The following KSR2 variants were observed in gnomAD, a reference collection of about 807,000 sequenced individuals.
KSR2 encodes the protein kinase suppressor of ras 2.
KSR2 carries 25 observed loss-of-function variants against 107.8 expected under a neutral mutation model. That is an observed-to-expected ratio of 0.23 (90% CI 0.17 to 0.32). The LOEUF is 0.32. Ranked by LOEUF, KSR2 falls within the 10% of genes least tolerant of loss-of-function variation. The pLI, the probability that KSR2 is intolerant of heterozygous loss-of-function variation, is 1.00. For missense variants in KSR2, 887 were observed against 1,268.9 expected, an observed-to-expected ratio of 0.70 and a Z score of 4.57; for synonymous variants, 480 against 507.0, an observed-to-expected ratio of 0.95 and a Z score of 0.71.
At chr12:117,676,316 G>A (rs1885116806) in intron 4 of KSR2, among the ~76,000 whole-genome samples, 1 of 152,234 alleles carries the variant, frequency 6.6e-6, no homozygotes, top group East Asian at 1.9e-4. Context: ...AATAGCACAA[G>A]CTGCATTTCC....
intron 5 of KSR2, among the ~76,000 whole-genome samples, chr12:117,613,497 C>T (rs1291458907): frequency 2.0e-5 from 3 of 152,056 alleles, no homozygotes; most frequent in Non-Finnish European, 2.9e-5. Context: ...AGTCTCTGGC[C>T]CCTCCTGCAC....
chr12:117,531,187 C>T (rs1875607526), intron 11 of KSR2, among the ~76,000 whole-genome samples, 174 bp from the exon 12 acceptor site: 1 of 152,194 alleles, frequency 6.6e-6, no homozygotes, highest in South Asian at 2.1e-4. Context: ...CTCAGCTGGA[C>T]CAGGGTTCTG....
At chr12:117,502,862 C>T (rs1873461984) in intron 14 of KSR2, among the ~76,000 whole-genome samples, 1 of 152,160 alleles carries the variant, frequency 6.6e-6, no homozygotes. Flanking sequence ...CATGCCTCTG[C>T]TGGCCTGACA....
Position 117,968,843 on chromosome 12 carries a change from C to T in KSR2, c.-588G>A. 4.7e-6 allele frequency: 1 copy of T among 213,450 alleles called. No individual in the cohort carries two copies. The highest frequency in any genetic ancestry group is 9.5e-6 in the Non-Finnish European group (1 of 105,332). The allele number at this position is 213,450 out of a possible 1,614,324, so 13.2% of individuals were successfully genotyped here. Reference sequence around the variant, plus strand: ...CGTTCTCAAGGTGCTGTCTGCATTGCTCCCGCGGCTGCGGCGGCTACTGCG... The same window carrying T: ...CGTTCTCAAGGTGCTGTCTGCATTGTTCCCGCGGCTGCGGCGGCTACTGCG... On this transcript the variant is annotated 5_prime_UTR_variant, in exon 1 of 20. Transcript: ENST00000339824.
At chr12:117,749,000 T>C (rs1011900501) in intron 4 of KSR2, among the ~76,000 whole-genome samples, 16 of 151,266 alleles carry the variant, frequency 1.1e-4, no homozygotes, top group African/African-American at 3.9e-4. Flanking sequence ...ATGGGCCCTC[T>C]GAGGGCATAT....
At chr12:117,882,956 A>G (rs1894072616) in intron 1 of KSR2, among the ~76,000 whole-genome samples, 1 of 151,672 alleles carries the variant, frequency 6.6e-6, no homozygotes, top group African/African-American at 2.4e-5. Flanking sequence ...CATCCATTCA[A>G]TCCAACCATA....
At chr12:117,859,424 C>T (rs190726303) in intron 2 of KSR2, among the ~76,000 whole-genome samples, 12 of 150,342 alleles carry the variant, frequency 8.0e-5, no homozygotes, top group South Asian at 4.2e-4. Context: ...TGAGCCACCG[C>T]GCCTGGCCTG....
Position 117,647,070 on chromosome 12 carries a change from A to G in KSR2, c.1171+20404T>C, listed in dbSNP as rs751734528. On this transcript the variant is annotated intron_variant, in intron 5 of 19. Coordinates refer to ENST00000339824, the MANE Select transcript of KSR2 (RefSeq NM_173598.6). ...AGCCACACAGAGAAAAAAGAGAGGA[A>G]GACAGGGCTCAAGGAAGAAAGTAAC... Among the ~76,000 whole-genome samples the G allele has an allele frequency of 3.9e-5, 6 of 152,144 alleles. No individual in the cohort carries two copies. In the East Asian group the frequency reaches 1.2e-3, roughly 29 times the overall value.
At chr12:117,586,456 G>A (rs1025019943) in intron 5 of KSR2, among the ~76,000 whole-genome samples, 16 of 151,350 alleles carry the variant, frequency 1.1e-4, no homozygotes, top group Admixed American at 3.3e-4. Flanking sequence ...TGTATATGGC[G>A]GGCACCGGTA....
intron 5 of KSR2, among the ~76,000 whole-genome samples, chr12:117,593,577 G>A (rs1224042232): frequency 2.0e-5 from 3 of 152,232 alleles, no homozygotes; most frequent in South Asian, 2.1e-4. Context: ...TTACAGATGC[G>A]GGCCTGAGTC....
At chr12:117,642,338 A>C (rs538834378) in intron 5 of KSR2, among the ~76,000 whole-genome samples, 17 of 152,218 alleles carry the variant, frequency 1.1e-4, no homozygotes, top group Non-Finnish European at 2.1e-4. Context: ...TTCTGATTGG[A>C]TGAACAGAAG....
intron 14 of KSR2, chr12:117,517,773 C>T: frequency 2.2e-6 from 1 of 445,676 alleles, no homozygotes; most frequent in Admixed American, 2.5e-5. Flanking sequence ...AAGCCGCTTC[C>T]ACTCGATGAT....
intron 5 of KSR2, among the ~76,000 whole-genome samples, chr12:117,609,421 G>T (rs546688315): frequency 3.9e-5 from 6 of 152,286 alleles, no homozygotes; most frequent in African/African-American, 1.4e-4. Flanking sequence ...GCTAACTTAC[G>T]GCACCAAGGC....
chr12:117,861,024 A>G (rs1313976704), intron 1 of KSR2, among the ~76,000 whole-genome samples: 1 of 151,984 alleles, frequency 6.6e-6, no homozygotes, highest in African/African-American at 2.4e-5. Flanking sequence ...CGGCCTGCAC[A>G]CATGCTTTGA....
At chr12:117,516,114 G>A (rs1393149842) in intron 14 of KSR2, among the ~76,000 whole-genome samples, 8 of 151,966 alleles carry the variant, frequency 5.3e-5, no homozygotes, top group Admixed American at 1.3e-4. Context: ...CAGGTGTTCC[G>A]GGCTTCAGGT....
intron 4 of KSR2, among the ~76,000 whole-genome samples, chr12:117,735,553 T>A (rs1887905572): frequency 6.6e-6 from 1 of 152,208 alleles, no homozygotes; most frequent in Non-Finnish European, 1.5e-5. Context: ...CTAATTCTAA[T>A]GCTCCTTCTT....
In KSR2 at chr12:117,484,409, C is replaced by A; in HGVS notation, c.2450+7G>T. ...GAAACTCTCCGGGTCTTCCCACTGC[C>A]TCTCACCTGCCAGCCTGCAGCACCC... On this transcript the variant is annotated splice_region_variant and intron_variant, in intron 16 of 19. Coordinates refer to ENST00000339824, the MANE Select transcript of KSR2 (RefSeq NM_173598.6). The A allele has an allele frequency of 6.2e-7, 1 of 1,613,800 alleles. No individual in the cohort carries two copies. Among genetic ancestry groups the A allele is most frequent in the Non-Finnish European group, 8.5e-7 (1 of 1,179,784 alleles).
chr12:117,821,718 A>G (rs1438228659), intron 3 of KSR2, among the ~76,000 whole-genome samples: 1 of 152,210 alleles, frequency 6.6e-6, no homozygotes, highest in Admixed American at 6.5e-5. Flanking sequence ...GCCTGATAAC[A>G]TTTCATTTTA....
At chr12:117,502,163 CTA>C (rs1475837301) in intron 14 of KSR2, among the ~76,000 whole-genome samples, 1 of 152,204 alleles carries the variant, frequency 6.6e-6, no homozygotes, top group Non-Finnish European at 1.5e-5. Context: ...GCGTCTGTGA[CTA>C]TTTATGCACA....
Sources: allele counts gnomAD v4.1 joint callset (sites outside exome capture counted in the v4.1 genomes callset), GRCh38; gene constraint gnomAD v4.1.1; transcripts MANE v1.5; gene names NCBI Gene and HGNC (gene_info 2026-07-23, HGNC 2026-07-21).